Variants in PTPRT observed in about 807,000 individuals in gnomAD.
The protein encoded by PTPRT is protein tyrosine phosphatase receptor type T, also known as receptor-type tyrosine-protein phosphatase T.
PTPRT carries 56 observed loss-of-function variants against 176.8 expected under a neutral mutation model. That is an observed-to-expected ratio of 0.32 (90% CI 0.26 to 0.40). The LOEUF (loss-of-function observed/expected upper bound fraction) is 0.40, where lower values mean the gene tolerates loss of function less well. Among genes scored for constraint, PTPRT ranks in the 10% least tolerant of loss-of-function variants. PTPRT has a pLI of 1.00. For synonymous variants in PTPRT, 783 were observed against 739.0 expected (o/e 1.06, Z -0.96); for missense variants, 1,540 against 1,908.2 (o/e 0.81, Z 3.60).
chr20:42,833,805 C>T (rs1375326022), intron 2 of PTPRT, among the ~76,000 whole-genome samples: 1 of 152,132 alleles, frequency 6.6e-6, no homozygotes, highest in East Asian at 1.9e-4. Flanking sequence ...AACAATTAGA[C>T]ATTCACACGG....
At chr20:42,272,438 G>C (rs1015571916) in intron 13 of PTPRT, among the ~76,000 whole-genome samples, 2 of 151,878 alleles carry the variant, frequency 1.3e-5, no homozygotes, top group Non-Finnish European at 2.9e-5. Flanking sequence ...TCTCAGATAG[G>C]CAAGACAAAG....
intron 7 of PTPRT, among the ~76,000 whole-genome samples, chr20:42,655,853 A>G (rs565680209): frequency 6.6e-6 from 1 of 152,310 alleles, no homozygotes; most frequent in East Asian, 1.9e-4. Context: ...ACAGGTAGGA[A>G]AAGTAGTCAG....
chr20:42,765,742 T>A (rs1056073938), intron 5 of PTPRT, among the ~76,000 whole-genome samples: 1 of 151,948 alleles, frequency 6.6e-6, no homozygotes, highest in Admixed American at 6.6e-5. Context: ...GTGTATATAT[T>A]TTTTCATAAA....
chr20:42,587,084 A>G (rs2073484019), intron 7 of PTPRT, among the ~76,000 whole-genome samples: 1 of 152,150 alleles, frequency 6.6e-6, no homozygotes, highest in East Asian at 1.9e-4. Context: ...ACATTTCAGC[A>G]CCAATGCAAG....
At chr20:42,300,067 G>A (rs1364856454) in intron 12 of PTPRT, among the ~76,000 whole-genome samples, 1 of 150,068 alleles carries the variant, frequency 6.7e-6, no homozygotes, top group Non-Finnish European at 1.5e-5. Flanking sequence ...AGACCAGCCT[G>A]GCCAACATGG....
intron 4 of PTPRT, among the ~76,000 whole-genome samples, chr20:42,775,993 C>T (rs2077129601): frequency 6.6e-6 from 1 of 152,166 alleles, no homozygotes; most frequent in Admixed American, 6.5e-5. Context: ...AGCTACTATC[C>T]ACTTGCATGA....
chr20:42,240,755 C>T (rs573183350), intron 14 of PTPRT, among the ~76,000 whole-genome samples: 1 of 152,104 alleles, frequency 6.6e-6, no homozygotes, highest in East Asian at 1.9e-4. Flanking sequence ...TCCATTTATC[C>T]ATCTTTCCAT....
At chr20:42,463,965 C>A (rs1212146702) in intron 8 of PTPRT, among the ~76,000 whole-genome samples, 1 of 152,072 alleles carries the variant, frequency 6.6e-6, no homozygotes, top group Non-Finnish European at 1.5e-5. Flanking sequence ...CAGTTGTATG[C>A]TACTAAATGT....
chr20:42,082,000 C>G lies in PTPRT; in HGVS notation c.4154G>C (p.Ser1385Thr). The G allele has an allele frequency of 6.2e-7, 1 of 1,614,252 alleles. No individual in the cohort carries two copies. Residue 1385 changes from serine to threonine, a missense_variant, in exon 30 of 31, where the codon AGT (serine) becomes ACT (threonine). By Grantham distance (58) the Ser-to-Thr change is moderately conservative. Around this residue, in one of 11 missense-constraint regions of PTPRT, gnomAD observed 342 missense variants for 394.0 expected, o/e 0.87. Transcript: ENST00000373187. ...VVHCLNGGGR[S>T]GTFCAICSVC... ...ACTGCAGATGGCACAGAAGGTTCCA[C>G]TACGGCCTCCCCCATTTCTAAACAC...
chr20:42,540,438 GCAGGAATA>G (rs2145576215), intron 7 of PTPRT, among the ~76,000 whole-genome samples: 1 of 152,226 alleles, frequency 6.6e-6, no homozygotes, highest in Admixed American at 6.5e-5. Flanking sequence ...GGCAATAGGA[GCAGGAATA>G]CAGCAGGAGT....
intron 7 of PTPRT, among the ~76,000 whole-genome samples, chr20:42,481,729 A>G (rs1298368267): frequency 6.6e-6 from 1 of 151,826 alleles, no homozygotes; most frequent in Non-Finnish European, 1.5e-5. Context: ...TGGGAGACAG[A>G]GCAAGAGCAA....
chr20:43,007,007 G>C (rs1409097208), intron 1 of PTPRT, among the ~76,000 whole-genome samples: 2 of 152,148 alleles, frequency 1.3e-5, no homozygotes, highest in African/African-American at 2.4e-5. Context: ...ACATCAGCAT[G>C]AACTGAACCC....
intron 15 of PTPRT, among the ~76,000 whole-genome samples, chr20:42,200,067 C>A (rs28625364): frequency 5.9e-5 from 9 of 151,580 alleles, no homozygotes; most frequent in African/African-American, 2.2e-4. Flanking sequence ...AAAATACACA[C>A]ACACACACAC....
chr20:42,460,110 C>A (rs1249227137), intron 8 of PTPRT, among the ~76,000 whole-genome samples: 2 of 152,132 alleles, frequency 1.3e-5, no homozygotes, highest in Non-Finnish European at 2.9e-5. Context: ...GGCTGATTAG[C>A]AATCTAGGTG....
rs386393782 is a variant in PTPRT, at chr20:42,314,526, CAAA to C, written c.2139+1194_2139+1196del. 6.3e-3 allele frequency among the ~76,000 whole-genome samples: 648 copies of C among 102,288 alleles called. 2 individuals are homozygous for C. Among genetic ancestry groups the C allele is most frequent in the African/African-American group, 0.021 (612 of 28,474 alleles). The allele number at this position is 102,288 out of a possible 152,430, so 67.1% of individuals were successfully genotyped here. ...CCTGGGCAACAGAGTGAGACTGTGT[CAAA>C]AAAAAAAAAAAAAGAAAGAAAAGAA... is the stretch of plus-strand genomic sequence containing the variant. On this transcript the variant is annotated intron_variant, in intron 12 of 30. Coordinates refer to ENST00000373187, the MANE Select transcript of PTPRT (RefSeq NM_007050.6).
intron 3 of PTPRT, among the ~76,000 whole-genome samples, chr20:42,785,672 T>C (rs1053624557): frequency 6.6e-6 from 1 of 152,182 alleles, no homozygotes; most frequent in African/African-American, 2.4e-5. Context: ...AATGAGGCTG[T>C]AGTAGCCAAT....
chr20:42,648,322 C>T (rs1171901806), intron 7 of PTPRT, among the ~76,000 whole-genome samples: 1 of 152,164 alleles, frequency 6.6e-6, no homozygotes, highest in East Asian at 1.9e-4. Flanking sequence ...CTACATCCCC[C>T]TCTCAGCTCT....
chr20:43,133,747 C>CAA (rs11366438), intron 1 of PTPRT, among the ~76,000 whole-genome samples: 10 of 124,872 alleles, frequency 8.0e-5, no homozygotes, highest in African/African-American at 3.0e-4. Context: ...GACTCTGTCT[C>CAA]AAAAAAAAAA....
At chr20:42,085,397 C>G (rs1983786124) in intron 28 of PTPRT, among the ~76,000 whole-genome samples, 1 of 152,188 alleles carries the variant, frequency 6.6e-6, no homozygotes, top group African/African-American at 2.4e-5. Flanking sequence ...TGGCCCAAAG[C>G]TTATGGGATC....
Sources: allele counts gnomAD v4.1 joint callset (sites outside exome capture counted in the v4.1 genomes callset), GRCh38; gene constraint gnomAD v4.1.1; regional missense constraint gnomAD v4.1.1; transcripts MANE v1.5; gene names NCBI Gene and HGNC (gene_info 2026-07-23, HGNC 2026-07-21).